MAST4: variants seen among roughly 807,000 people sequenced by gnomAD.
MAST4 encodes the protein microtubule-associated serine/threonine-protein kinase 4.
MAST4 carries 89 observed loss-of-function variants against 162.7 expected under a neutral mutation model. The ratio of observed to expected loss-of-function variants is 0.55; its 90% confidence interval spans 0.46 to 0.65. The LOEUF is 0.65. MAST4 is among the 30% of genes least tolerant of loss of function. The pLI, the probability that MAST4 is intolerant of heterozygous loss-of-function variation, is 0.00. For synonymous variants in MAST4, 1,479 were observed against 1,361.1 expected (o/e 1.09, Z -1.91); for missense variants, 3,153 against 3,374.0 (o/e 0.93, Z 1.62).
chr5:67,149,627 T>G, intron 24 of MAST4, 38 bp downstream of exon 24: 1 of 1,595,310 alleles, frequency 6.3e-7, no homozygotes, highest in Non-Finnish European at 8.6e-7. Context: ...GTGTGATTTG[T>G]GCATGTGGTC....
chr5:67,034,895 A>G (rs1006345274), intron 4 of MAST4, among the ~76,000 whole-genome samples: 8 of 152,274 alleles, frequency 5.3e-5, no homozygotes, highest in African/African-American at 1.9e-4. Context: ...TTCATTGATG[A>G]GTGCACCCCT....
chr5:66,725,342 T>C (rs1025070368), intron 1 of MAST4, among the ~76,000 whole-genome samples: 1 of 152,258 alleles, frequency 6.6e-6, no homozygotes, highest in African/African-American at 2.4e-5. Context: ...TTTTTGATTT[T>C]TAAAATGATC....
In MAST4 at chr5:67,166,558, G is replaced by A; in HGVS notation, c.7379G>A (p.Ser2460Asn). 1 of 1,606,832 alleles carries A rather than the reference G, an allele frequency of 6.2e-7. No homozygotes were observed. The highest frequency in any genetic ancestry group is 8.5e-7 in the Non-Finnish European group (1 of 1,176,828). ...RSTALPEKSL[S>N]CSSSFPETRA... is the part of the protein sequence containing the mutation. ...ACGGCCCTCCCGGAAAAGTCTCTGA[G>A]CTGCTCCTCCAGCTTCCCTGAAACC... The change falls in exon 29 of 29, where the codon AGC (serine) becomes AAC (asparagine). Residue 2460 changes from serine (S) to asparagine (N), a missense_variant. Ser to Asn is a conservative substitution (Grantham distance 46). Coordinates refer to ENST00000403625, the MANE Select transcript of MAST4 (RefSeq NM_001164664.2).
chr5:66,921,356 G>A (rs1764522013), intron 4 of MAST4, among the ~76,000 whole-genome samples: 2 of 152,176 alleles, frequency 1.3e-5, no homozygotes, highest in South Asian at 2.1e-4. Context: ...CTAATGAGGT[G>A]AGGTAAACTG....
At position 67,062,819 on chromosome 5, in the gene MAST4, A is replaced by G. The variant is rs539348674; in HGVS notation, c.763+8327A>G. ...CATCATACATTTCCTTTTTAAAAAA[A>G]AATATGTCAGTCTCAACAAAATCAA... On this transcript the variant is annotated intron_variant, in intron 5 of 28. Coordinates refer to ENST00000403625, the MANE Select transcript of MAST4 (RefSeq NM_001164664.2). 4.6e-5 allele frequency among the ~76,000 whole-genome samples: 7 copies of G among 152,316 alleles called. No individual in the cohort carries two copies. In the East Asian group the frequency reaches 1.3e-3, roughly 29 times the overall value.
At chr5:66,874,986 G>A (rs1463510305) in intron 3 of MAST4, among the ~76,000 whole-genome samples, 1 of 152,124 alleles carries the variant, frequency 6.6e-6, no homozygotes, top group Non-Finnish European at 1.5e-5. Flanking sequence ...TAAAGGTAAT[G>A]GAAAATCAAG....
intron 3 of MAST4, chr5:66,828,811 GTT>G (rs1757403058): frequency 6.2e-7 from 1 of 1,601,656 alleles, no homozygotes; most frequent in African/African-American, 1.3e-5. Flanking sequence ...TGGCTAGACT[GTT>G]GTGAGAGGCT....
intron 3 of MAST4, among the ~76,000 whole-genome samples, chr5:66,812,498 C>G (rs543707890): frequency 2.0e-5 from 3 of 152,194 alleles, no homozygotes; most frequent in African/African-American, 7.2e-5. Flanking sequence ...ACGGGTACAG[C>G]TTCATTGCCA....
chr5:67,162,077 CTA>C (rs1257467773), intron 27 of MAST4, among the ~76,000 whole-genome samples: 2 of 152,146 alleles, frequency 1.3e-5, no homozygotes, highest in African/African-American at 2.4e-5. Context: ...TCGGTTTTTT[CTA>C]TGTCGTTGTA....
At chr5:67,121,146 C>A in intron 14 of MAST4, 44 bp downstream of exon 14, 1 of 1,394,008 alleles carries the variant, frequency 7.2e-7, no homozygotes, top group Non-Finnish European at 1.0e-6. Context: ...TCTACACACT[C>A]AAGTGATATA....
chr5:66,801,214 C>T (rs1157521843), intron 3 of MAST4, among the ~76,000 whole-genome samples: 2 of 152,080 alleles, frequency 1.3e-5, no homozygotes, highest in African/African-American at 4.8e-5. Context: ...TGTATCTCCA[C>T]TAGGAAACCG....
Position 67,166,753 on chromosome 5 carries a change from G to C in MAST4, c.7574G>C (p.Arg2525Pro). ...MTKSDSLPSF[R>P]VSTLPLESHH... ...AAGAGTGACTCCCTGCCCTCCTTCC[G>C]GGTCTCCACCCTGCCTCTGGAGTCA... Residue 2525 changes from arginine (R) to proline (P), a missense_variant, in exon 29 of 29, where the codon CGG becomes CCG. Physicochemically the swap from Arg to Pro is moderately radical, Grantham distance 103 (BLOSUM62 -2). Around this residue, in one of 7 missense-constraint regions of MAST4, gnomAD observed 1,644 missense variants for 1,495.0 expected, o/e 1.10. Coordinates refer to ENST00000403625, the MANE Select transcript of MAST4 (RefSeq NM_001164664.2). 1.3e-6 allele frequency: 2 copies of C among 1,595,498 alleles called. No homozygotes were observed. The highest frequency in any genetic ancestry group is 8.5e-7 in the Non-Finnish European group (1 of 1,171,590).
At chr5:66,820,964 G>T (rs776533165) in intron 3 of MAST4, among the ~76,000 whole-genome samples, 2 of 152,186 alleles carry the variant, frequency 1.3e-5, no homozygotes, top group African/African-American at 2.4e-5. Context: ...TGCATGTTAC[G>T]TTGTAGAAAT....
chr5:67,046,566 A>G (rs912635555), intron 4 of MAST4, among the ~76,000 whole-genome samples: 4 of 152,224 alleles, frequency 2.6e-5, no homozygotes, highest in African/African-American at 9.6e-5. Context: ...GGGAATAGAC[A>G]TTCCAGAAAT....
intron 4 of MAST4, among the ~76,000 whole-genome samples, chr5:66,987,748 T>C (rs554681967): frequency 6.6e-6 from 1 of 152,340 alleles, no homozygotes; most frequent in Admixed American, 6.5e-5. Flanking sequence ...AGAGTGACAG[T>C]GCTAGTGCTG....
intron 4 of MAST4, among the ~76,000 whole-genome samples, chr5:67,041,850 A>G (rs748436996): frequency 1.3e-5 from 2 of 152,210 alleles, no homozygotes; most frequent in Non-Finnish European, 2.9e-5. Flanking sequence ...GCTGGTCTCA[A>G]ACTCCTGACC....
Position 67,164,434 on chromosome 5 carries a change from C to T in MAST4, c.5255C>T (p.Ala1752Val), listed in dbSNP as rs1370142279. ...AGCACCCATGCAGCTCAGATGAGTG[C>T]CGTCTCTTTTGTTCCCCTCAAGGCC... The part of the protein sequence containing the change: ...VSSTHAAQMS[A>V]VSFVPLKALT... The change falls in exon 29 of 29, where the codon GCC becomes GTC. Residue 1752 changes from alanine to valine, a missense_variant. This residue lies in a region of MAST4 where 1,644 missense variants were observed against 1,495.0 expected (regional missense o/e 1.10). Coordinates refer to ENST00000403625, the MANE Select transcript of MAST4 (RefSeq NM_001164664.2). This position sits in a 1 kb window ranked among gnomAD's most constrained non-coding sequence, Gnocchi z 5.3. The T allele has an allele frequency of 6.2e-7, 1 of 1,614,030 alleles. No homozygotes were observed. The highest frequency in any genetic ancestry group is 8.5e-7 in the Non-Finnish European group (1 of 1,179,902).
Position 67,145,342 on chromosome 5 carries a change from C to T in MAST4, c.3057C>T (p.Thr1019=). The change falls in exon 23 of 29, where the codon ACC becomes ACT. Residue 1019 remains threonine (T), a synonymous_variant. Coordinates refer to ENST00000403625, the MANE Select transcript of MAST4 (RefSeq NM_001164664.2). ...EECAQEEPEV[T]TPASTISSST... ...GTGCCCAGGAGGAGCCTGAGGTCACCACCCCAGCCAGCACCATCAGCAGCT... is the reference window on the plus strand; with the variant it reads ...GTGCCCAGGAGGAGCCTGAGGTCACTACCCCAGCCAGCACCATCAGCAGCT... The T allele has an allele frequency of 6.2e-7, 1 of 1,613,294 alleles. No individual in the cohort carries two copies. The highest frequency in any genetic ancestry group is 8.5e-7 in the Non-Finnish European group (1 of 1,179,866).
chr5:66,743,356 C>A (rs1307975657), intron 1 of MAST4, among the ~76,000 whole-genome samples: 2 of 152,164 alleles, frequency 1.3e-5, no homozygotes, highest in African/African-American at 4.8e-5. Flanking sequence ...GACTGGGAAT[C>A]CAGGTGGGGA....
Sources: gnomAD v4.1 joint callset for allele counts (sites outside exome capture counted in the v4.1 genomes callset) on GRCh38, gnomAD v4.1.1 for gene constraint, gnomAD v4.1.1 regional missense constraint, Gnocchi (gnomAD v3.1) non-coding constraint, MANE v1.5 for transcripts, NCBI Gene and HGNC (gene_info 2026-07-23, HGNC 2026-07-21) for gene names.